Variants in TAS2R1 observed in about 807,000 individuals in gnomAD.
The protein encoded by TAS2R1 is taste receptor type 2 member 1.
For missense variants in TAS2R1, 370 were observed against 353.4 expected, an observed-to-expected ratio of 1.05 and a Z score of -0.38; for synonymous variants, 141 against 134.2, an observed-to-expected ratio of 1.05 and a Z score of -0.35.
intron 1 of TAS2R1, among the ~76,000 whole-genome samples, chr5:9,707,502 G>A (rs1741640275): frequency 6.6e-6 from 1 of 152,140 alleles, no homozygotes; most frequent in African/African-American, 2.4e-5. Context: ...GGCCAACATG[G>A]GGAAACCCCG....
At chr5:9,804,760 T>A in the TAS2R1 span, among the ~76,000 whole-genome samples, 1 of 152,064 alleles carries the variant, frequency 6.6e-6, no homozygotes, top group Admixed American at 6.5e-5. Flanking sequence ...AAGAGGAAAG[T>A]TCATAGCATT....
At chr5:9,760,319 A>G in the TAS2R1 span, among the ~76,000 whole-genome samples, 8,422 of 152,264 alleles carry the variant, frequency 0.055, 635 homozygotes, top group East Asian at 0.27. Flanking sequence ...AGATAGAAGT[A>G]GAGGGAACAT....
At chr5:9,798,464 G>C in the TAS2R1 span, among the ~76,000 whole-genome samples, 1 of 152,168 alleles carries the variant, frequency 6.6e-6, no homozygotes, top group African/African-American at 2.4e-5. Context: ...GGTAGGAAAT[G>C]TTGTAGAAAG....
chr5:9,666,158 T>C (rs570621728), intron 1 of TAS2R1, among the ~76,000 whole-genome samples: 6 of 152,302 alleles, frequency 3.9e-5, no homozygotes, highest in South Asian at 2.1e-4. Flanking sequence ...TTTCAAAATA[T>C]GTTTAAAAGC....
intron 1 of TAS2R1, among the ~76,000 whole-genome samples, chr5:9,670,045 A>G (rs189451805): frequency 3.3e-5 from 5 of 152,088 alleles, no homozygotes; most frequent in Non-Finnish European, 7.4e-5. Flanking sequence ...AAAAATAAAC[A>G]CAATGAGAAA....
the TAS2R1 span, among the ~76,000 whole-genome samples, chr5:9,722,240 T>C: frequency 1.3e-5 from 2 of 152,256 alleles, no homozygotes; most frequent in South Asian, 4.1e-4. Flanking sequence ...ACCATGTCTC[T>C]GACTGCAACC....
the TAS2R1 span, among the ~76,000 whole-genome samples, chr5:9,841,183 C>G: frequency 0.078 from 11,799 of 152,128 alleles, 527 homozygotes; most frequent in East Asian, 0.21. Context: ...CAAGGGTTAT[C>G]TCTTTGTCAT....
chr5:9,722,516 C>T, the TAS2R1 span, among the ~76,000 whole-genome samples: 1 of 152,158 alleles, frequency 6.6e-6, no homozygotes, highest in Non-Finnish European at 1.5e-5. Context: ...CTTTCCATGT[C>T]CTTTGGAGCA....
chr5:9,881,498 A>G, the TAS2R1 span, among the ~76,000 whole-genome samples: 15 of 152,208 alleles, frequency 9.9e-5, no homozygotes, highest in African/African-American at 3.4e-4. Flanking sequence ...ACAGAATTAG[A>G]AAAAAACTAC....
At chr5:9,885,033 T>C in the TAS2R1 span, among the ~76,000 whole-genome samples, 1 of 152,204 alleles carries the variant, frequency 6.6e-6, no homozygotes, top group Non-Finnish European at 1.5e-5. Flanking sequence ...TTAGGTGCTA[T>C]ACATAAACTA....
At chr5:9,832,685 G>A in the TAS2R1 span, among the ~76,000 whole-genome samples, 1 of 152,216 alleles carries the variant, frequency 6.6e-6, no homozygotes, top group East Asian at 1.9e-4. Context: ...ACACAAGTGG[G>A]CAAACTTTGG....
intron 1 of TAS2R1, among the ~76,000 whole-genome samples, chr5:9,688,255 A>G (rs184674815): frequency 9.8e-5 from 15 of 152,316 alleles, no homozygotes; most frequent in Admixed American, 3.9e-4. Context: ...TTAAGACAGA[A>G]TAACAGTAAT....
At chr5:9,748,830 A>G in the TAS2R1 span, among the ~76,000 whole-genome samples, 1 of 152,104 alleles carries the variant, frequency 6.6e-6, no homozygotes, top group Non-Finnish European at 1.5e-5. Context: ...ACCATAGCAG[A>G]GCTCATTCAT....
At chr5:9,678,009 G>A (rs938212992) in intron 1 of TAS2R1, among the ~76,000 whole-genome samples, 1 of 152,102 alleles carries the variant, frequency 6.6e-6, no homozygotes, top group African/African-American at 2.4e-5. Context: ...CAAAGCTGCA[G>A]TGCAAAATTT....
At chr5:9,760,793 T>C in the TAS2R1 span, 3 of 152,196 alleles carry the variant, frequency 2.0e-5, no homozygotes, top group Non-Finnish European at 4.4e-5. Flanking sequence ...AAGTAAGATA[T>C]TGTCTCTCAC....
chr5:9,741,752 G>A, the TAS2R1 span, among the ~76,000 whole-genome samples: 2 of 152,230 alleles, frequency 1.3e-5, no homozygotes, highest in Non-Finnish European at 2.9e-5. Context: ...ACAGTGGGAA[G>A]TGAGTCAACT....
the TAS2R1 span, among the ~76,000 whole-genome samples, chr5:9,737,891 G>A: frequency 6.6e-6 from 1 of 152,188 alleles, no homozygotes; most frequent in South Asian, 2.1e-4. Context: ...GCTAAACTCT[G>A]TCACTGGTGG....
At chr5:9,791,634 G>A in the TAS2R1 span, among the ~76,000 whole-genome samples, 4 of 152,154 alleles carry the variant, frequency 2.6e-5, no homozygotes, top group Non-Finnish European at 5.9e-5. Flanking sequence ...AGGAGGTGGA[G>A]GTTGCAGTGA....
At chr5:9,867,569 C>T in the TAS2R1 span, among the ~76,000 whole-genome samples, 6 of 152,142 alleles carry the variant, frequency 3.9e-5, no homozygotes, top group African/African-American at 9.7e-5. Context: ...CCTTCCATGA[C>T]ACATTGGGGA....
Sources: allele counts gnomAD v4.1 joint callset (sites outside exome capture counted in the v4.1 genomes callset), GRCh38; gene constraint gnomAD v4.1.1; transcripts MANE v1.5; gene names NCBI Gene and HGNC (gene_info 2026-07-23, HGNC 2026-07-21).